SLC39A11: variants seen among roughly 807,000 people sequenced by gnomAD.
SLC39A11 encodes the protein solute carrier family 39 member 11.
Under a neutral mutation model 36.1 loss-of-function variants are expected in SLC39A11, and 33 were observed. The observed-to-expected ratio is 0.91, with a 90% CI of 0.69 to 1.22. SLC39A11 has a LOEUF of 1.22. SLC39A11 is among the 50% of genes most tolerant of loss of function. The pLI is 0.00. For synonymous variants in SLC39A11, 166 were observed against 170.3 expected, an observed-to-expected ratio of 0.97 and a Z score of 0.20; for missense variants, 432 against 430.3, an observed-to-expected ratio of 1.00 and a Z score of -0.03.
At chr17:73,081,670 C>CATATATGTATATATGTATGTATATGTAT (rs1568242944) in intron 3 of SLC39A11, among the ~76,000 whole-genome samples, 1 of 82,206 alleles carries the variant, frequency 1.2e-5, no homozygotes, top group Non-Finnish European at 2.3e-5. Context: ...CACACACACA[C>CATATATGTATATATGTATGTATATGTAT]ATATATATAC....
intron 7 of SLC39A11, among the ~76,000 whole-genome samples, chr17:72,707,409 G>C (rs182078050): frequency 6.6e-6 from 1 of 151,960 alleles, no homozygotes; most frequent in East Asian, 1.9e-4. Context: ...AAGAGACCCC[G>C]AATGACAGAT....
chr17:72,762,700 C>T (rs1348775664), intron 6 of SLC39A11, among the ~76,000 whole-genome samples: 1 of 152,180 alleles, frequency 6.6e-6, no homozygotes, highest in Non-Finnish European at 1.5e-5. Context: ...TGGATCAGGA[C>T]CCCTTTCCAG....
chr17:72,727,870 GGCA>G (rs2073997023), intron 7 of SLC39A11, among the ~76,000 whole-genome samples: 1 of 152,126 alleles, frequency 6.6e-6, no homozygotes, highest in Admixed American at 6.5e-5. Flanking sequence ...TACACCAGAT[GGCA>G]GCAGCCACAC....
At chr17:72,925,818 C>T (rs572044787) in intron 5 of SLC39A11, among the ~76,000 whole-genome samples, 1 of 152,342 alleles carries the variant, frequency 6.6e-6, no homozygotes, top group South Asian at 2.1e-4. Context: ...GCCACAGGGG[C>T]TGCTGTTTCA....
intron 4 of SLC39A11, among the ~76,000 whole-genome samples, chr17:72,988,273 T>A (rs2088910978): frequency 1.3e-5 from 2 of 152,222 alleles, no homozygotes; most frequent in Non-Finnish European, 2.9e-5. Context: ...GCCAACATGG[T>A]GAAATCCCGT....
intron 4 of SLC39A11, among the ~76,000 whole-genome samples, chr17:72,988,429 C>G (rs2088922830): frequency 6.6e-6 from 1 of 152,102 alleles, no homozygotes. Flanking sequence ...CCACTGCACT[C>G]CAGTCTAGGT....
chr17:72,878,631 G>A (rs1046258593), intron 5 of SLC39A11, among the ~76,000 whole-genome samples: 2 of 152,082 alleles, frequency 1.3e-5, no homozygotes, highest in Non-Finnish European at 2.9e-5. Context: ...CTTTATTGCT[G>A]TATTTTTCTC....
intron 4 of SLC39A11, among the ~76,000 whole-genome samples, chr17:72,983,149 T>C (rs2088458075): frequency 1.3e-5 from 2 of 148,394 alleles, no homozygotes; most frequent in South Asian, 4.2e-4. Flanking sequence ...TTTGTTTATT[T>C]GTTTTTGTTT....
intron 5 of SLC39A11, among the ~76,000 whole-genome samples, chr17:72,932,482 C>T (rs1399715939): frequency 3.3e-5 from 5 of 150,256 alleles, no homozygotes; most frequent in African/African-American, 1.2e-4. Flanking sequence ...TGATGTTCCC[C>T]TCCCTGTTTC....
At chr17:72,973,395 G>T (rs186322163) in intron 4 of SLC39A11, among the ~76,000 whole-genome samples, 1 of 152,052 alleles carries the variant, frequency 6.6e-6, no homozygotes, top group East Asian at 2.0e-4. Context: ...CCAGGAGAAG[G>T]AAGGGCAAGT....
In SLC39A11 at chr17:73,044,902, G is replaced by A. The variant is rs1055300167; in HGVS notation, c.148-13188C>T. Among the ~76,000 whole-genome samples, 257 of 146,560 alleles carry A rather than the reference G, an allele frequency of 1.8e-3. 1 individual carries two copies. Among genetic ancestry groups the A allele is most frequent in the Non-Finnish European group, 3.2e-3 (213 of 66,372 alleles). On this transcript the variant is annotated intron_variant, in intron 3 of 9. Transcript: ENST00000255559. ...AGAAAAAAAAAAAAAAAAAAGAAAA[G>A]AAATGTTCTCTCATTTTGGGTGGTG...
intron 5 of SLC39A11, among the ~76,000 whole-genome samples, chr17:72,868,383 T>G (rs1434887966): frequency 6.6e-6 from 1 of 152,000 alleles, no homozygotes; most frequent in Non-Finnish European, 1.5e-5. Flanking sequence ...ACCAGAGGAA[T>G]GTAACATAAG....
Position 72,760,240 on chromosome 17 carries a change from C to A in SLC39A11, c.602-23521G>T, listed in dbSNP as rs139475360. ...AAGTGGTTTCACCATGTTGGTCAGG[C>A]TAGTCTTGAACTCCTGGCTTCAGGC... On this transcript the variant is annotated intron_variant, in intron 6 of 9. Transcript: ENST00000255559. 1.3e-3 allele frequency among the ~76,000 whole-genome samples: 197 copies of A among 152,334 alleles called. 1 individual carries two copies. Among genetic ancestry groups the A allele is most frequent in the African/African-American group, 4.5e-3 (186 of 41,578 alleles).
chr17:72,706,862 G>C lies in SLC39A11; in HGVS notation c.671+29788C>G, dbSNP rs549411084. ...GCCCCAGCCCAACACAATTCAAACAGAATCACTGAGTAACAGGGCCCAGGC... is the reference window on the plus strand; with the variant it reads ...GCCCCAGCCCAACACAATTCAAACACAATCACTGAGTAACAGGGCCCAGGC... On this transcript the variant is annotated intron_variant, in intron 7 of 9. Coordinates refer to ENST00000255559, the MANE Select transcript of SLC39A11 (RefSeq NM_139177.4). Among the ~76,000 whole-genome samples the C allele has an allele frequency of 9.2e-5, 14 of 152,290 alleles. No individual in the cohort carries two copies. In the South Asian group the frequency reaches 2.9e-3, roughly 32 times the overall value.
At chr17:73,047,050 A>C (rs1422237925) in intron 3 of SLC39A11, among the ~76,000 whole-genome samples, 1 of 140,078 alleles carries the variant, frequency 7.1e-6, no homozygotes, top group East Asian at 2.0e-4. Context: ...TTTGAGACGG[A>C]GTCTCGCTCT....
At chr17:72,907,857 C>G (rs1026748900) in intron 5 of SLC39A11, among the ~76,000 whole-genome samples, 1 of 152,226 alleles carries the variant, frequency 6.6e-6, no homozygotes, top group Non-Finnish European at 1.5e-5. Context: ...CGGTGCACAG[C>G]ATGGGGCAGT....
chr17:72,649,376 G>C, intron 7 of SLC39A11, 108 bp from the exon 8 acceptor site: 1 of 881,768 alleles, frequency 1.1e-6, no homozygotes, highest in Non-Finnish European at 1.8e-6. Flanking sequence ...AAGCCAGGAG[G>C]AGACCTGTGA....
chr17:72,741,813 C>T (rs982554546), intron 6 of SLC39A11, among the ~76,000 whole-genome samples: 3 of 152,068 alleles, frequency 2.0e-5, no homozygotes, highest in Non-Finnish European at 4.4e-5. Context: ...ATGATGAAAG[C>T]CATAACTCAA....
chr17:72,680,287 C>G (rs2071457319), intron 7 of SLC39A11, among the ~76,000 whole-genome samples: 1 of 152,128 alleles, frequency 6.6e-6, no homozygotes, highest in Non-Finnish European at 1.5e-5. Flanking sequence ...GACTCTGCTT[C>G]TGTCTCTATG....
Sources: gnomAD v4.1 joint callset for allele counts (sites outside exome capture counted in the v4.1 genomes callset) on GRCh38, gnomAD v4.1.1 for gene constraint, MANE v1.5 for transcripts, NCBI Gene and HGNC (gene_info 2026-07-23, HGNC 2026-07-21) for gene names.